The following GPC6 variants were observed in gnomAD, a reference collection of about 807,000 sequenced individuals.
GPC6 encodes glypican 6.
GPC6 carries 14 observed loss-of-function variants against 55.2 expected under a neutral mutation model. That is an observed-to-expected ratio of 0.25 (90% CI 0.17 to 0.40). GPC6 has a LOEUF of 0.40. GPC6 is among the 10% of genes least tolerant of loss of function. The pLI is 1.00. For synonymous variants in GPC6, 278 were observed against 259.6 expected (o/e 1.07, Z -0.68); for missense variants, 641 against 708.5 (o/e 0.90, Z 1.08).
chr13:94,240,258 C>A (rs1891014396), intron 4 of GPC6, among the ~76,000 whole-genome samples: 1 of 152,144 alleles, frequency 6.6e-6, no homozygotes, highest in African/African-American at 2.4e-5. Flanking sequence ...GGCAACCGCC[C>A]TGGGGCTGAC....
rs772309481 is a variant in GPC6 at position 93,673,841 on chromosome 13, CTTTG to C, written c.319+128425_319+128428del. Among the ~76,000 whole-genome samples, 6 of 152,136 alleles carry C rather than the reference CTTTG, an allele frequency of 3.9e-5. No homozygotes were observed. In the East Asian group the frequency reaches 5.8e-4, roughly 15 times the overall value. ...TTTTCAATTTTTATTTTTATGAGAA[CTTTG>C]TTTGCCTCACACATGAGAGATTTGA... On this transcript the variant is annotated intron_variant, in intron 2 of 8. Coordinates refer to ENST00000377047, the MANE Select transcript of GPC6 (RefSeq NM_005708.5).
intron 1 of GPC6, among the ~76,000 whole-genome samples, chr13:93,465,842 T>A (rs929029586): frequency 6.6e-6 from 1 of 152,172 alleles, no homozygotes; most frequent in Admixed American, 6.5e-5. Flanking sequence ...ACTTTTAGCT[T>A]TTTCTTTAAA....
At chr13:93,272,137 A>G (rs1464048134) in intron 1 of GPC6, among the ~76,000 whole-genome samples, 2 of 151,960 alleles carry the variant, frequency 1.3e-5, no homozygotes, top group Admixed American at 1.3e-4. Flanking sequence ...TTCATTTGAT[A>G]ATGGGGTAAA....
At chr13:94,266,382 A>G (rs1362146166) in intron 4 of GPC6, among the ~76,000 whole-genome samples, 1 of 152,018 alleles carries the variant, frequency 6.6e-6, no homozygotes, top group African/African-American at 2.4e-5. Context: ...GTTAGCCAGG[A>G]TGGTCTCGAT....
chr13:94,167,173 A>G (rs951882038), intron 4 of GPC6, among the ~76,000 whole-genome samples: 1 of 152,184 alleles, frequency 6.6e-6, no homozygotes, highest in Non-Finnish European at 1.5e-5. Context: ...AATTTGGTTC[A>G]TTTAATTTCT....
At chr13:93,259,467 C>G (rs1159054467) in intron 1 of GPC6, among the ~76,000 whole-genome samples, 2 of 152,050 alleles carry the variant, frequency 1.3e-5, no homozygotes, top group African/African-American at 4.8e-5. Flanking sequence ...GTAATATGAT[C>G]CTCATATAGG....
intron 4 of GPC6, among the ~76,000 whole-genome samples, chr13:94,063,305 A>T (rs1465516198): frequency 1.3e-5 from 2 of 152,178 alleles, no homozygotes; most frequent in African/African-American, 4.8e-5. Flanking sequence ...TTGTTTGGGA[A>T]TCCCTTTGTG....
intron 3 of GPC6, among the ~76,000 whole-genome samples, chr13:93,875,215 AC>A (rs1281002537): frequency 2.6e-5 from 4 of 151,884 alleles, no homozygotes; most frequent in Non-Finnish European, 5.9e-5. Flanking sequence ...GTTTCCCAAG[AC>A]TACTCTGCAA....
At chr13:93,696,542 C>CT (rs1391463223) in intron 2 of GPC6, among the ~76,000 whole-genome samples, 149 of 146,890 alleles carry the variant, frequency 1.0e-3, no homozygotes, top group Middle Eastern at 3.5e-3. Flanking sequence ...CCTTTTTTTC[C>CT]TTTTTTTTTT....
intron 2 of GPC6, among the ~76,000 whole-genome samples, chr13:93,796,313 A>C (rs1244913647): frequency 6.6e-6 from 1 of 152,190 alleles, no homozygotes; most frequent in Non-Finnish European, 1.5e-5. Context: ...TAATGAGAGT[A>C]TATTTTTAAA....
At chr13:94,237,591 C>T (rs1057275729) in intron 4 of GPC6, among the ~76,000 whole-genome samples, 10 of 152,008 alleles carry the variant, frequency 6.6e-5, no homozygotes, top group Admixed American at 1.3e-4. Context: ...AACAAGGAGA[C>T]GAAGAGCATT....
intron 1 of GPC6, among the ~76,000 whole-genome samples, chr13:93,489,713 A>G (rs1879883190): frequency 6.6e-6 from 1 of 151,384 alleles, no homozygotes; most frequent in Non-Finnish European, 1.5e-5. Flanking sequence ...ATTCCTAGGT[A>G]TTTTATTCTC....
At chr13:94,120,049 T>C (rs1886571464) in intron 4 of GPC6, among the ~76,000 whole-genome samples, 1 of 152,142 alleles carries the variant, frequency 6.6e-6, no homozygotes, top group Admixed American at 6.6e-5. Context: ...ACCTATGTTT[T>C]AAATATAATG....
chr13:93,997,956 G>A (rs1194971397), intron 3 of GPC6, among the ~76,000 whole-genome samples: 2 of 152,136 alleles, frequency 1.3e-5, no homozygotes, highest in East Asian at 3.9e-4. Context: ...CAAGTTCTGT[G>A]TTAGACTTTA....
chr13:93,679,960 G>A (rs1881788056), intron 2 of GPC6, among the ~76,000 whole-genome samples: 1 of 152,118 alleles, frequency 6.6e-6, no homozygotes, highest in African/African-American at 2.4e-5. Flanking sequence ...GTAGCTTCCA[G>A]ATGGCAGATC....
chr13:93,720,093 T>C (rs1883399878), intron 2 of GPC6, among the ~76,000 whole-genome samples: 1 of 152,186 alleles, frequency 6.6e-6, no homozygotes, highest in African/African-American at 2.4e-5. Context: ...GATGCTGGCC[T>C]CATAAAATGA....
intron 2 of GPC6, among the ~76,000 whole-genome samples, chr13:93,791,855 C>T (rs891185095): frequency 1.3e-5 from 2 of 152,220 alleles, no homozygotes; most frequent in African/African-American, 4.8e-5. Context: ...AATTGTGCTT[C>T]TAACTGTCTC....
chr13:93,380,548 C>T (rs182868775), intron 1 of GPC6, among the ~76,000 whole-genome samples: 2 of 152,162 alleles, frequency 1.3e-5, no homozygotes, highest in African/African-American at 4.8e-5. Flanking sequence ...GTAGGATAAT[C>T]TTGTTGAATG....
intron 1 of GPC6, among the ~76,000 whole-genome samples, chr13:93,423,598 T>G (rs1313238326): frequency 6.6e-6 from 1 of 152,168 alleles, no homozygotes; most frequent in Non-Finnish European, 1.5e-5. Context: ...CCGCGGTTGC[T>G]AAGTTATTGT....
Sources: allele counts gnomAD v4.1 joint callset (sites outside exome capture counted in the v4.1 genomes callset), GRCh38; gene constraint gnomAD v4.1.1; transcripts MANE v1.5; gene names NCBI Gene and HGNC (gene_info 2026-07-23, HGNC 2026-07-21).